The following FOXA2 variants were observed in gnomAD, a reference collection of about 807,000 sequenced individuals.
FOXA2 encodes hepatocyte nuclear factor 3-beta.
A neutral mutation model predicts 33.3 loss-of-function variants in FOXA2; 9 were observed. That is an observed-to-expected ratio of 0.27 (90% confidence interval 0.16 to 0.47). The LOEUF is 0.47. Among genes scored for constraint, FOXA2 ranks in the 20% least tolerant of loss-of-function variants. The probability of loss-of-function intolerance (pLI) is 0.99; values close to 1 mark genes in which losing one functional copy is unlikely to be tolerated. For synonymous variants in FOXA2, 329 were observed against 289.4 expected (o/e 1.14, Z -1.39); for missense variants, 704 against 659.9 (o/e 1.07, Z -0.73).
Position 22,584,467 on chromosome 20 carries a change from TGG to T in FOXA2, c.-191_-190del. 1 of 323,110 alleles carries T rather than the reference TGG, an allele frequency of 3.1e-6. No individual in the cohort carries two copies. The highest frequency in any genetic ancestry group is 6.1e-6 in the Non-Finnish European group (1 of 164,922). The allele number at this position is 323,110 out of a possible 1,614,324, so 20.0% of individuals were successfully genotyped here. On this transcript the variant is annotated 5_prime_UTR_variant, in exon 1 of 2. Coordinates refer to ENST00000419308, the MANE Select transcript of FOXA2 (RefSeq NM_021784.5). The stretch of plus-strand genomic sequence containing the variant: ...GCGGTAGTTGGAAGTGGGCGGGAGG[TGG>T]GGGGGGGCGAGGAGCGGAGGAGGCC...
rs571330298 is a variant in FOXA2 at position 22,581,932 on chromosome 20, G to C, written c.1310C>G (p.Thr437Arg). The C allele has an allele frequency of 1.9e-6, 3 of 1,610,944 alleles. No individual in the cohort carries two copies. The highest frequency in any genetic ancestry group is 2.5e-6 in the Non-Finnish European group (3 of 1,177,406). Residue 437 changes from threonine (T) to arginine (R), a missense_variant, in exon 2 of 2, where the codon ACG becomes AGG. Transcript: ENST00000419308. The part of the protein sequence containing the change: ...SLAMGPVTNK[T>R]GLDASPLAAD... ...GGCCAGGGGCGAGGCGTCCAGGCCC[G>C]TTTTGTTCGTGACCGGGCCCATGGC...
rs1362480838 is a variant in FOXA2 at position 22,584,469 on chromosome 20, G to A, written c.-191C>T. 3 of 603,860 alleles carry A rather than the reference G, an allele frequency of 5.0e-6. No individual in the cohort carries two copies. Among genetic ancestry groups the A allele is most frequent in the Admixed American group, 2.5e-5 (1 of 40,048 alleles). The allele number at this position is 603,860 out of a possible 1,614,324, so 37.4% of individuals were successfully genotyped here. A position where few individuals can be genotyped will look rare whatever the true frequency, so the allele number is the denominator to read the frequency against. ...GGTAGTTGGAAGTGGGCGGGAGGTGGGGGGGGGCGAGGAGCGGAGGAGGCC... is the reference window on the plus strand; with the variant it reads ...GGTAGTTGGAAGTGGGCGGGAGGTGAGGGGGGGCGAGGAGCGGAGGAGGCC... On this transcript the variant is annotated 5_prime_UTR_variant, in exon 1 of 2. Coordinates refer to ENST00000419308, the MANE Select transcript of FOXA2 (RefSeq NM_021784.5).
rs765955954 is a variant in FOXA2, at chr20:22,582,860, C to T, written c.382G>A (p.Gly128Ser). The change falls in exon 2 of 2, where the codon GGC becomes AGC. Residue 128 changes from glycine to serine, a missense_variant. Gly to Ser is a moderately conservative substitution (Grantham distance 56). This residue lies in a region of FOXA2 where 304 missense variants were observed against 251.7 expected (regional missense o/e 1.21). Transcript: ENST00000419308. The part of the protein sequence containing the change: ...PLGGQAAGAM[G>S]GLAPYANMNS... Reference sequence around the variant, plus strand: ...ATGTTGGCGTAGGGGGCCAGGCCGCCCATGGCCCCGGCCGCCTGCCCCCCG... The same window carrying T: ...ATGTTGGCGTAGGGGGCCAGGCCGCTCATGGCCCCGGCCGCCTGCCCCCCG... 6.3e-7 allele frequency: 1 copy of T among 1,586,216 alleles called. No individual in the cohort carries two copies. The highest frequency in any genetic ancestry group is 8.6e-7 in the Non-Finnish European group (1 of 1,167,142).
At chr20:22,585,224 TG>T (rs1984735454), upstream of FOXA2, 1 of 152,274 alleles carries the variant, frequency 6.6e-6, no homozygotes, top group African/African-American at 2.4e-5. Flanking sequence ...AGCAAGTCCA[TG>T]ACAGCCAATT....
rs1332158804 is a variant in FOXA2 at position 22,582,945 on chromosome 20, C to G, written c.297G>C (p.Ser99=). The change falls in exon 2 of 2, where the codon TCG becomes TCC. Residue 99 remains serine (S), a synonymous_variant. Coordinates refer to ENST00000419308, the MANE Select transcript of FOXA2 (RefSeq NM_021784.5). ...GAGAMAGMGG[S]AGAAGVAGMG... ...TGCCCGCCACGCCGGCCGCCCCGGC[C>G]GAGCCGCCCATGCCCGCCATGGCGC... is the stretch of plus-strand genomic sequence containing the variant. The G allele has an allele frequency of 6.4e-7, 1 of 1,565,696 alleles. No individual in the cohort carries two copies. Among genetic ancestry groups the G allele is most frequent in the Non-Finnish European group, 8.6e-7 (1 of 1,161,354 alleles).
At position 22,582,114 on chromosome 20, in the gene FOXA2, G is replaced by A; in HGVS notation, c.1128C>T (p.Tyr376=). The A allele has an allele frequency of 1.2e-6, 2 of 1,604,308 alleles. No homozygotes were observed. Among genetic ancestry groups the A allele is most frequent in the Non-Finnish European group, 1.7e-6 (2 of 1,174,892 alleles). ...TGATGGAGAACGGGTGGTTGAAGGC[G>A]TAGTGGTGTTCCGGCTTCAGGTGGG... is the stretch of plus-strand genomic sequence containing the variant. The part of the protein sequence containing the change: ...PEAHLKPEHH[Y]AFNHPFSINN... The change falls in exon 2 of 2, where the codon TAC becomes TAT. Residue 376 remains tyrosine, a synonymous_variant. Transcript: ENST00000419308.
rs1257411947 is a variant in FOXA2 at position 22,581,672 on chromosome 20, C to A, written c.*178G>T. The A allele has an allele frequency of 1.7e-6, 1 of 600,324 alleles. No homozygotes were observed. The highest frequency in any genetic ancestry group is 2.9e-6 in the Non-Finnish European group (1 of 341,310). The allele number at this position is 600,324 out of a possible 1,614,324, so 37.2% of individuals were successfully genotyped here. Reference sequence around the variant, plus strand: ...GTGTGGCCCTCTGTTTGGGACGGAACGGCTGCAGCGGGTGAAGAAGACTGC... The same window carrying A: ...GTGTGGCCCTCTGTTTGGGACGGAAAGGCTGCAGCGGGTGAAGAAGACTGC... On this transcript the variant is annotated 3_prime_UTR_variant, in exon 2 of 2. Transcript: ENST00000419308.
In FOXA2 at chr20:22,581,104, TTC is replaced by T. The variant is rs1441764396; in HGVS notation, c.*744_*745del. 1 of 152,500 alleles carries T rather than the reference TTC, an allele frequency of 6.6e-6. No homozygotes were observed. Among genetic ancestry groups the T allele is most frequent in the African/African-American group, 2.4e-5 (1 of 41,454 alleles). The allele number at this position is 152,500 out of a possible 1,614,324, so 9.4% of individuals were successfully genotyped here. A position where few individuals can be genotyped will look rare whatever the true frequency, so the allele number is the denominator to read the frequency against. On this transcript the variant is annotated 3_prime_UTR_variant, in exon 2 of 2. Coordinates refer to ENST00000419308, the MANE Select transcript of FOXA2 (RefSeq NM_021784.5). ...AACCAGACAGGGTATCCCTCCCTCC[TTC>T]TTGAAATAATTTCCAAGCCTGTATA...
In FOXA2 at chr20:22,582,949, C is replaced by T. The variant is rs997604728; in HGVS notation, c.293G>A (p.Gly98Asp). Residue 98 changes from glycine to aspartate, a missense_variant, in exon 2 of 2, where the codon GGC becomes GAC. Gly to Asp is a moderately conservative substitution (Grantham distance 94). Coordinates refer to ENST00000419308, the MANE Select transcript of FOXA2 (RefSeq NM_021784.5). ...CGCCACGCCGGCCGCCCCGGCCGAG[C>T]CGCCCATGCCCGCCATGGCGCCCGC... ...PGAGAMAGMG[G>D]SAGAAGVAGM... is the part of the protein sequence containing the mutation. The T allele has an allele frequency of 2.0e-5, 31 of 1,575,922 alleles. No individual in the cohort carries two copies. The highest frequency in any genetic ancestry group is 2.6e-5 in the Non-Finnish European group (30 of 1,166,432).
Position 22,582,671 on chromosome 20 carries a change from T to C in FOXA2, c.571A>G (p.Ile191Val). The C allele has an allele frequency of 6.2e-7, 1 of 1,614,078 alleles. No homozygotes were observed. Among genetic ancestry groups the C allele is most frequent in the Non-Finnish European group, 8.5e-7 (1 of 1,180,012 alleles). ...SPNKMLTLSE[I>V]YQWIMDLFPF... ...AAGAGGTCCATGATCCACTGGTAGA[T>C]CTCGCTCAGCGTCAGCATCTTGTTG... The change falls in exon 2 of 2, where the codon ATC becomes GTC. Residue 191 changes from isoleucine (I) to valine (V), a missense_variant. Around this residue, in one of 5 missense-constraint regions of FOXA2, gnomAD observed 32 missense variants for 60.2 expected, o/e 0.53. Coordinates refer to ENST00000419308, the MANE Select transcript of FOXA2 (RefSeq NM_021784.5).
chr20:22,582,500 T>C lies in FOXA2; in HGVS notation c.742A>G (p.Met248Val). 1 of 1,614,052 alleles carries C rather than the reference T, an allele frequency of 6.2e-7. No homozygotes were observed. Among genetic ancestry groups the C allele is most frequent in the Non-Finnish European group, 8.5e-7 (1 of 1,179,998 alleles). Reference protein sequence around the residue: ...FWTLHPDSGNMFENGCYLRRQ... With the variant: ...FWTLHPDSGNVFENGCYLRRQ... ...CGCAGGTAGCAGCCGTTCTCGAACA[T>C]GTTGCCCGAGTCAGGGTGCAGGGTC... The change falls in exon 2 of 2, where the codon ATG becomes GTG. Residue 248 changes from methionine to valine, a missense_variant. Transcript: ENST00000419308.
rs1161467663 is a variant in FOXA2, at chr20:22,582,891, G to A, written c.351C>T (p.Ser117=). ...GMGPHLSPSL[S]PLGGQAAGAM... ...CCCCGGCCGCCTGCCCCCCGAGCGGGCTCAGGCTGGGACTCAAGTGCGGCC... is the reference window on the plus strand; with the variant it reads ...CCCCGGCCGCCTGCCCCCCGAGCGGACTCAGGCTGGGACTCAAGTGCGGCC... The change falls in exon 2 of 2, where the codon AGC becomes AGT. Residue 117 remains serine (S), a synonymous_variant. Coordinates refer to ENST00000419308, the MANE Select transcript of FOXA2 (RefSeq NM_021784.5). 3 of 1,576,638 alleles carry A rather than the reference G, an allele frequency of 1.9e-6. No homozygotes were observed. The Admixed American group carries it at 5.4e-5, about 28-fold the overall frequency.
At position 22,583,146 on chromosome 20, in the gene FOXA2, G is replaced by A. The variant is rs759975608; in HGVS notation, c.96C>T (p.Ser32=). 4 of 1,601,852 alleles carry A rather than the reference G, an allele frequency of 2.5e-6. No individual in the cohort carries two copies. In the South Asian group the frequency reaches 3.3e-5, roughly 13 times the overall value. ...SSYYAEPEGY[S]SVSNMNAGLG... is the part of the protein sequence containing the mutation. Reference sequence around the variant, plus strand: ...GGCCGGCGTTCATGTTGCTCACGGAGGAGTAGCCCTGCGGACAGAGCCCCG... The same window carrying A: ...GGCCGGCGTTCATGTTGCTCACGGAAGAGTAGCCCTGCGGACAGAGCCCCG... The change falls in exon 2 of 2, where the codon TCC becomes TCT. Residue 32 remains serine (S), a synonymous_variant. Transcript: ENST00000419308.
rs1984560844 is a variant in FOXA2, at chr20:22,581,348, T to C, written c.*502A>G. ...ATTGGGAATGCTTTTTTTTTCTTTT[T>C]CTTGGTCATTTACAACAGACCCTTA... On this transcript the variant is annotated 3_prime_UTR_variant, in exon 2 of 2. Coordinates refer to ENST00000419308, the MANE Select transcript of FOXA2 (RefSeq NM_021784.5). 1 of 152,738 alleles carries C rather than the reference T, an allele frequency of 6.5e-6. No individual in the cohort carries two copies. Among genetic ancestry groups the C allele is most frequent in the African/African-American group, 2.4e-5 (1 of 41,452 alleles). The allele number at this position is 152,738 out of a possible 1,614,324, so 9.5% of individuals were successfully genotyped here.
chr20:22,582,452 C>A lies in FOXA2; in HGVS notation c.790G>T (p.Glu264Ter), dbSNP rs1222645845. ...YLRRQKRFKC[E>*]KQLALKEAAG... ...GCCTCCTTCAGCGCCAGCTGCTTCT[C>A]GCACTTGAAGCGCTTCTGGCGGCGC... is the stretch of plus-strand genomic sequence containing the variant. Residue 264 changes from glutamate to a stop codon, truncating the protein, a stop_gained, in exon 2 of 2, where the codon GAG becomes TAG. Transcript: ENST00000419308. LOFTEE classifies it high-confidence loss of function. The A allele has an allele frequency of 6.2e-7, 1 of 1,610,514 alleles. No homozygotes were observed. The highest frequency in any genetic ancestry group is 1.3e-5 in the African/African-American group (1 of 74,792).
Position 22,582,271 on chromosome 20 carries a change from C to T in FOXA2, c.971G>A (p.Gly324Asp), listed in dbSNP as rs753174581. Reference sequence around the variant, plus strand: ...CGGCGTCCCCTTCAGCTCTCCCAGGCCCCCTCGCTTGTGCTCCTGGCACGG... The same window carrying T: ...CGGCGTCCCCTTCAGCTCTCCCAGGTCCCCTCGCTTGTGCTCCTGGCACGG... ...ASPCQEHKRGGLGELKGTPAA... is the reference protein window; with the variant it reads ...ASPCQEHKRGDLGELKGTPAA... The change falls in exon 2 of 2, where the codon GGC becomes GAC. Residue 324 changes from glycine (G) to aspartate (D), a missense_variant. Physicochemically the swap from Gly to Asp is moderately conservative, Grantham distance 94. Around this residue, in one of 5 missense-constraint regions of FOXA2, gnomAD observed 343 missense variants for 274.8 expected, o/e 1.25. Transcript: ENST00000419308. 2.7e-6 allele frequency: 4 copies of T among 1,467,380 alleles called. No individual in the cohort carries two copies. The highest frequency in any genetic ancestry group is 2.9e-5 in the South Asian group (2 of 69,758). The allele number at this position is 1,467,380 out of a possible 1,614,324, so 90.9% of individuals were successfully genotyped here. A position where few individuals can be genotyped will look rare whatever the true frequency, so the allele number is the denominator to read the frequency against.
At chr20:22,584,950 G>A (rs1254741588), upstream of FOXA2, among the ~76,000 whole-genome samples, 1 of 152,114 alleles carries the variant, frequency 6.6e-6, no homozygotes, top group East Asian at 1.9e-4. Flanking sequence ...AGCGGGCTGG[G>A]CGGGCGATCG....
At position 22,584,409 on chromosome 20, in the gene FOXA2, T is replaced by C; in HGVS notation, c.-131A>G. The C allele has an allele frequency of 3.3e-6, 2 of 604,454 alleles. No individual in the cohort carries two copies. The highest frequency in any genetic ancestry group is 4.5e-5 in the Admixed American group (2 of 44,758). The allele number at this position is 604,454 out of a possible 1,614,324, so 37.4% of individuals were successfully genotyped here. ...TCTCTCGCGCTCCCTCTCCCTGGGC[T>C]CCACTCCCTCTCTCTCCCTGGGCAG... is the stretch of plus-strand genomic sequence containing the variant. On this transcript the variant is annotated 5_prime_UTR_variant, in exon 1 of 2. Coordinates refer to ENST00000419308, the MANE Select transcript of FOXA2 (RefSeq NM_021784.5).
intron 1 of FOXA2, among the ~76,000 whole-genome samples, chr20:22,583,629 G>A (rs994276817): frequency 6.6e-6 from 1 of 152,178 alleles, no homozygotes; most frequent in African/African-American, 2.4e-5. Flanking sequence ...CCCTCTGTCC[G>A]GTCTCCCTCC....
Sources: gnomAD v4.1 joint callset for allele counts (sites outside exome capture counted in the v4.1 genomes callset) on GRCh38, gnomAD v4.1.1 for gene constraint, gnomAD v4.1.1 regional missense constraint, MANE v1.5 for transcripts, NCBI Gene and HGNC (gene_info 2026-07-23, HGNC 2026-07-21) for gene names.